PHKB: variants seen among roughly 807,000 people sequenced by gnomAD.
PHKB encodes phosphorylase kinase regulatory subunit beta.
PHKB carries 122 observed loss-of-function variants against 152.1 expected under a neutral mutation model. That is an observed-to-expected ratio of 0.80 (90% CI 0.69 to 0.93). PHKB has a LOEUF of 0.93. PHKB is among the 40% of genes least tolerant of loss of function. PHKB has a pLI of 0.00. For synonymous variants in PHKB, 436 were observed against 464.9 expected (o/e 0.94, Z 0.80); for missense variants, 1,304 against 1,328.4 (o/e 0.98, Z 0.29).
chr16:47,663,575 C>A, intron 23 of PHKB, 102 bp from the exon 24 acceptor site: 1 of 896,800 alleles, frequency 1.1e-6, no homozygotes, highest in Non-Finnish European at 1.8e-6. Flanking sequence ...GATGTATCAA[C>A]TCTAGTGAAG....
At chr16:47,473,217 A>AAT (rs1969807615) in intron 1 of PHKB, among the ~76,000 whole-genome samples, 1 of 65,498 alleles carries the variant, frequency 1.5e-5, no homozygotes, top group Admixed American at 1.6e-4. Flanking sequence ...ATGCCTGGCT[A>AAT]ATTTTTTTTT....
intron 26 of PHKB, among the ~76,000 whole-genome samples, chr16:47,684,541 C>T (rs181008854): frequency 3.0e-4 from 45 of 152,186 alleles, no homozygotes; most frequent in African/African-American, 9.9e-4. Context: ...CCAAGGTAGG[C>T]GGATCACGAG....
chr16:47,518,416 A>G lies in PHKB; in HGVS notation c.594+2815A>G, dbSNP rs550369931. On this transcript the variant is annotated intron_variant, in intron 6 of 30. Transcript: ENST00000323584. Reference sequence around the variant, plus strand: ...TTTATAAAATTTGTATCTATACTGTAGTTCCTTTGGGAGAGGGCCATGGTC... The same window carrying G: ...TTTATAAAATTTGTATCTATACTGTGGTTCCTTTGGGAGAGGGCCATGGTC... Among the ~76,000 whole-genome samples, 9 of 152,236 alleles carry G rather than the reference A, an allele frequency of 5.9e-5. No individual in the cohort carries two copies. In the East Asian group the frequency reaches 1.5e-3, roughly 26 times the overall value.
intron 1 of PHKB, among the ~76,000 whole-genome samples, chr16:47,486,049 C>G (rs1970044306): frequency 1.3e-5 from 2 of 151,848 alleles, no homozygotes; most frequent in Admixed American, 6.6e-5. Flanking sequence ...TCCTACTAAA[C>G]ATTTATTGTC....
chr16:47,580,754 T>C (rs1971831052), intron 8 of PHKB, among the ~76,000 whole-genome samples: 1 of 152,110 alleles, frequency 6.6e-6, no homozygotes, highest in African/African-American at 2.4e-5. Context: ...ATATCTCATG[T>C]AGAAGAGAAT....
chr16:47,611,386 C>T (rs1456061808), intron 14 of PHKB, among the ~76,000 whole-genome samples: 2 of 152,014 alleles, frequency 1.3e-5, no homozygotes, highest in Non-Finnish European at 2.9e-5. Context: ...TGGATTCAGA[C>T]TGTGTTGTGT....
At chr16:47,463,099 G>C (rs1697310785) in intron 1 of PHKB, 1 of 152,586 alleles carries the variant, frequency 6.6e-6, no homozygotes, top group Non-Finnish European at 1.5e-5. Context: ...TTCTTACAGG[G>C]ACCTGAGTAC....
At chr16:47,645,270 G>A (rs376159044) in intron 16 of PHKB, among the ~76,000 whole-genome samples, 1 of 140,202 alleles carries the variant, frequency 7.1e-6, no homozygotes, top group Admixed American at 7.4e-5. Context: ...TTGGTGTTTT[G>A]GACATGAAGT....
chr16:47,603,116 A>G (rs1972261480), intron 13 of PHKB, among the ~76,000 whole-genome samples: 1 of 152,226 alleles, frequency 6.6e-6, no homozygotes, highest in Admixed American at 6.5e-5. Context: ...ACTTAAAATC[A>G]TTCATCAAGT....
chr16:47,497,611 A>C, intron 2 of PHKB, 123 bp downstream of exon 2: 1 of 698,380 alleles, frequency 1.4e-6, no homozygotes, highest in Non-Finnish European at 2.6e-6. Context: ...GGGTACTTTC[A>C]GTGCTTAAGT....
intron 7 of PHKB, among the ~76,000 whole-genome samples, chr16:47,574,636 G>T (rs763613875): frequency 2.6e-5 from 4 of 152,200 alleles, no homozygotes; most frequent in Non-Finnish European, 5.9e-5. Flanking sequence ...TGGAACTGGA[G>T]TATAGAAATC....
intron 7 of PHKB, among the ~76,000 whole-genome samples, chr16:47,568,834 G>A (rs1971611203): frequency 6.6e-6 from 1 of 152,136 alleles, no homozygotes; most frequent in Non-Finnish European, 1.5e-5. Flanking sequence ...GTAGTTTTGA[G>A]AGTTCCCCTT....
At chr16:47,680,763 A>G (rs1567353956) in intron 26 of PHKB, among the ~76,000 whole-genome samples, 1 of 151,794 alleles carries the variant, frequency 6.6e-6, no homozygotes, top group African/African-American at 2.4e-5. Context: ...TTGTGTCTCT[A>G]TTTCCTTCAG....
chr16:47,617,383 T>C (rs1213391421), intron 14 of PHKB, among the ~76,000 whole-genome samples: 1 of 151,804 alleles, frequency 6.6e-6, no homozygotes, highest in Non-Finnish European at 1.5e-5. Flanking sequence ...CCTCTATGTA[T>C]ATGAAAACCT....
At chr16:47,497,220 AG>A (rs1970246534) in intron 1 of PHKB, among the ~76,000 whole-genome samples, 178 bp from the exon 2 acceptor site, 1 of 152,168 alleles carries the variant, frequency 6.6e-6, no homozygotes, top group Admixed American at 6.6e-5. Context: ...TTATTTTCAA[AG>A]GTACTTTATT....
intron 6 of PHKB, among the ~76,000 whole-genome samples, chr16:47,516,649 T>C (rs1970602811): frequency 6.6e-6 from 1 of 152,210 alleles, no homozygotes; most frequent in African/African-American, 2.4e-5. Flanking sequence ...TGGACCGTAC[T>C]GAGGGTACTA....
chr16:47,547,341 C>T (rs1971189857), intron 6 of PHKB, 92 bp from the exon 7 acceptor site: 1 of 770,036 alleles, frequency 1.3e-6, no homozygotes, highest in Admixed American at 1.9e-5. Context: ...CCTCAGCCTC[C>T]CAAATTGCTG....
chr16:47,677,216 A>G (rs764113233), intron 26 of PHKB, among the ~76,000 whole-genome samples: 6 of 152,156 alleles, frequency 3.9e-5, no homozygotes, highest in Non-Finnish European at 8.8e-5. Flanking sequence ...CCCAACCTCT[A>G]TTCTATTGTG....
chr16:47,650,913 C>G lies in PHKB; in HGVS notation c.1963C>G (p.Arg655Gly), dbSNP rs750311549. 6.2e-7 allele frequency: 1 copy of G among 1,608,342 alleles called. No homozygotes were observed. The highest frequency in any genetic ancestry group is 1.1e-5 in the South Asian group (1 of 90,964). ...TGGAGGAGTCAAAGTTCATGTGGAT[C>G]GTCTACAGGTAGCCTTCTGATTTTC... ...IIGGVKVHVD[R>G]LQTLISGAVV... The change falls in exon 20 of 31, where the codon CGT (arginine) becomes GGT (glycine). Residue 655 changes from arginine (R) to glycine (G), a missense_variant. By Grantham distance (125) the Arg-to-Gly change is moderately radical. Transcript: ENST00000323584.
Sources: gnomAD v4.1 joint callset for allele counts (sites outside exome capture counted in the v4.1 genomes callset) on GRCh38, gnomAD v4.1.1 for gene constraint, MANE v1.5 for transcripts, NCBI Gene and HGNC (gene_info 2026-07-23, HGNC 2026-07-21) for gene names.